The following ZC3H7B variants were observed in gnomAD, a reference collection of about 807,000 sequenced individuals.
ZC3H7B encodes the protein zinc finger CCCH-type containing 7B, also known as zinc finger CCCH domain-containing protein 7B.
In ZC3H7B, 35 loss-of-function variants were observed where a neutral mutation model predicts 116.0. The ratio of observed to expected loss-of-function variants is 0.30; its 90% CI spans 0.23 to 0.40. ZC3H7B has a LOEUF of 0.40. Among genes scored for constraint, ZC3H7B ranks in the 10% least tolerant of loss-of-function variants. The pLI is 1.00. For missense variants in ZC3H7B, 1,011 were observed against 1,321.5 expected (o/e 0.77, Z 3.64); for synonymous variants, 502 against 545.6 (o/e 0.92, Z 1.11).
intron 2 of ZC3H7B, among the ~76,000 whole-genome samples, 197 bp downstream of exon 2, chr22:41,320,910 G>A (rs1485892341): frequency 6.6e-6 from 1 of 152,180 alleles, no homozygotes; most frequent in African/African-American, 2.4e-5. Context: ...ATGCACACAT[G>A]CTCCCTGGCC....
rs985995488 is a variant in ZC3H7B, at chr22:41,338,573, T to G, written c.625+218T>G. The stretch of plus-strand genomic sequence containing the variant: ...TAGTCTGGCAGAGAGGGGTGCTGCC[T>G]CTTAGCTAGGTGCAACAGTCCCATG... On this transcript the variant is annotated intron_variant, in intron 8 of 22. Transcript: ENST00000352645. This position sits in a 1 kb window ranked among gnomAD's most constrained non-coding sequence, Gnocchi z 4.5. 8.5e-5 allele frequency among the ~76,000 whole-genome samples: 13 copies of G among 152,074 alleles called. No homozygotes were observed. Among genetic ancestry groups the G allele is most frequent in the African/African-American group, 3.1e-4 (13 of 41,402 alleles).
intron 7 of ZC3H7B, chr22:41,335,864 GGGA>G (rs1223308938): frequency 6.5e-6 from 1 of 152,806 alleles, no homozygotes. Flanking sequence ...TCCATGCCGT[GGGA>G]TGATACCTCG....
intron 11 of ZC3H7B, among the ~76,000 whole-genome samples, chr22:41,341,570 C>T (rs1032607517): frequency 6.6e-6 from 1 of 151,224 alleles, no homozygotes; most frequent in African/African-American, 2.4e-5. Context: ...AGTGAAACCC[C>T]GTCTCTACTA....
In ZC3H7B at chr22:41,356,716, C is replaced by T. The variant is rs572315392; in HGVS notation, c.2589C>T (p.Ser863=). 4.3e-6 allele frequency: 7 copies of T among 1,613,522 alleles called. No homozygotes were observed. The highest frequency in any genetic ancestry group is 2.2e-5 in the East Asian group (1 of 44,900). Residue 863 remains serine (S), a synonymous_variant, in exon 22 of 23, where the codon TCC becomes TCT. Coordinates refer to ENST00000352645, the MANE Select transcript of ZC3H7B (RefSeq NM_017590.6). ...AGCAGTGGCAGCAGCACATCCAGTC[C>T]GAGAAGCACAAGGAGAAGGTCTTCA... ...SKKQWQQHIQ[S]EKHKEKVFTS... is the part of the protein sequence containing the mutation.
rs778049284 is a variant in ZC3H7B at position 41,330,003 on chromosome 22, C to A, written c.445-20C>A. 6.2e-7 allele frequency: 1 copy of A among 1,613,116 alleles called. No homozygotes were observed. Among genetic ancestry groups the A allele is most frequent in the Non-Finnish European group, 8.5e-7 (1 of 1,179,802 alleles). ...AGCCCGGGCAGACTGACCCACCGCC[C>A]TGTGTCTTGTCCTCTGCAGGATGAA... On this transcript the variant is annotated intron_variant, in intron 5 of 22. Coordinates refer to ENST00000352645, the MANE Select transcript of ZC3H7B (RefSeq NM_017590.6).
intron 7 of ZC3H7B, chr22:41,333,752 T>C (rs2036410620): frequency 6.6e-6 from 1 of 152,178 alleles, no homozygotes; most frequent in African/African-American, 2.4e-5. Flanking sequence ...GGGTTGGGTA[T>C]GTGATAAACA....
At chr22:41,331,427 C>T (rs1307171809) in intron 6 of ZC3H7B, among the ~76,000 whole-genome samples, 3 of 148,996 alleles carry the variant, frequency 2.0e-5, no homozygotes, top group East Asian at 2.0e-4. Flanking sequence ...TGGTAGCGAG[C>T]GCCTGTAGTC....
chr22:41,333,457 C>G (rs1210689089), intron 7 of ZC3H7B: 2 of 152,102 alleles, frequency 1.3e-5, no homozygotes, highest in Non-Finnish European at 2.9e-5. Flanking sequence ...GAAACCCCAT[C>G]CCTGCCAAAA....
At chr22:41,336,760 C>T (rs552934382) in intron 7 of ZC3H7B, 1 of 152,208 alleles carries the variant, frequency 6.6e-6, no homozygotes, top group African/African-American at 2.4e-5. Context: ...TAGAGAATCA[C>T]TTGAATGTGG....
At chr22:41,310,768 TTTTG>T (rs1235708984) in intron 1 of ZC3H7B, among the ~76,000 whole-genome samples, 6 of 152,116 alleles carry the variant, frequency 3.9e-5, no homozygotes, top group Admixed American at 3.3e-4. Context: ...AAAGGGAGTT[TTTTG>T]TTTGTTTGTT....
chr22:41,319,414 G>C (rs1018598476), intron 1 of ZC3H7B, among the ~76,000 whole-genome samples: 2 of 149,368 alleles, frequency 1.3e-5, no homozygotes. Flanking sequence ...AAAAAACAAA[G>C]CAAAAAGTAG....
intron 6 of ZC3H7B, among the ~76,000 whole-genome samples, chr22:41,331,428 G>A (rs921591419): frequency 1.9e-4 from 28 of 149,892 alleles, no homozygotes; most frequent in Non-Finnish European, 3.4e-4. Context: ...GGTAGCGAGC[G>A]CCTGTAGTCC....
rs550834886 is a variant in ZC3H7B at position 41,308,340 on chromosome 22, A to G, written c.-7+6568A>G. Among the ~76,000 whole-genome samples the G allele has an allele frequency of 3.3e-5, 5 of 152,174 alleles. No individual in the cohort carries two copies. In the South Asian group the frequency reaches 1.0e-3, roughly 32 times the overall value. The stretch of plus-strand genomic sequence containing the variant: ...TCCCTCTCCCTCCACAGGCTGAGGA[A>G]CGCAGGGCAGGGAGCCCAAAGTCCT... On this transcript the variant is annotated intron_variant, in intron 1 of 22. Coordinates refer to ENST00000352645, the MANE Select transcript of ZC3H7B (RefSeq NM_017590.6).
At position 41,309,002 on chromosome 22, in the gene ZC3H7B, A is replaced by G. The variant is rs1257179170; in HGVS notation, c.-7+7230A>G. Among the ~76,000 whole-genome samples, 4 of 102,600 alleles carry G rather than the reference A, an allele frequency of 3.9e-5. No individual in the cohort carries two copies. The Admixed American group carries it at 5.4e-4, about 14-fold the overall frequency. The allele number at this position is 102,600 out of a possible 152,430, so 67.3% of individuals were successfully genotyped here. On this transcript the variant is annotated intron_variant, in intron 1 of 22. Transcript: ENST00000352645. ...TCCTAAGGGCCTTCCCTAAACTCCC[A>G]GTCTGCTTTTTTTTTTTTTTTTTTT...
chr22:41,313,905 CCTGG>C (rs2036148916), intron 1 of ZC3H7B, among the ~76,000 whole-genome samples: 1 of 151,652 alleles, frequency 6.6e-6, no homozygotes, highest in African/African-American at 2.4e-5. Context: ...CGCCATCATG[CCTGG>C]CTAATTTTTT....
chr22:41,341,258 G>A (rs1019910322), intron 11 of ZC3H7B, 112 bp downstream of exon 11: 31 of 1,297,062 alleles, frequency 2.4e-5, no homozygotes, highest in East Asian at 7.6e-5. Context: ...TCCCCACGGC[G>A]GGGCACTCCC....
chr22:41,332,571 G>T, intron 7 of ZC3H7B: 1 of 268,552 alleles, frequency 3.7e-6, no homozygotes, highest in Non-Finnish European at 7.1e-6. Context: ...TCAGGCCCCT[G>T]GGCCTCAAAT....
At position 41,351,458 on chromosome 22, in the gene ZC3H7B, C is replaced by A; in HGVS notation, c.1949-103C>A. The stretch of plus-strand genomic sequence containing the variant: ...CTGTGGCTGGGCTGAGAATAGGGCT[C>A]CTCCAGCTGGGCCTCGGGGGTCCCT... On this transcript the variant is annotated intron_variant, in intron 16 of 22. Coordinates refer to ENST00000352645, the MANE Select transcript of ZC3H7B (RefSeq NM_017590.6). The surrounding 1 kb of genome is among the most constrained non-coding windows in gnomAD (Gnocchi z 5.1). The A allele has an allele frequency of 1.0e-6, 1 of 986,962 alleles. No homozygotes were observed. Among genetic ancestry groups the A allele is most frequent in the Admixed American group, 2.6e-5 (1 of 38,916 alleles). 61.1% of individuals were successfully genotyped at this position (986,962 alleles called of 1,614,324 possible).
At chr22:41,322,478 A>T (rs565480374) in intron 2 of ZC3H7B, among the ~76,000 whole-genome samples, 2 of 152,164 alleles carry the variant, frequency 1.3e-5, no homozygotes. Flanking sequence ...GAGCCACCGC[A>T]TCCAGCCCGA....
Sources: allele counts gnomAD v4.1 joint callset (sites outside exome capture counted in the v4.1 genomes callset), GRCh38; gene constraint gnomAD v4.1.1; non-coding constraint Gnocchi (gnomAD v3.1); transcripts MANE v1.5; gene names NCBI Gene and HGNC (gene_info 2026-07-23, HGNC 2026-07-21).